Variants in SCOC observed in about 807,000 individuals in gnomAD.
SCOC encodes the protein short coiled coil protein.
SCOC carries 7 observed loss-of-function variants against 9.9 expected under a neutral mutation model. That is an observed-to-expected ratio of 0.71 (90% CI 0.40 to 1.33). The LOEUF is 1.33. Among genes scored for constraint, SCOC ranks in the 40% most tolerant of loss-of-function variants. SCOC has a pLI of 0.01. For missense variants in SCOC, 66 were observed against 89.7 expected, an observed-to-expected ratio of 0.74 and a Z score of 1.07; for synonymous variants, 19 against 28.2, an observed-to-expected ratio of 0.67 and a Z score of 1.03.
chr4:140,360,601 C>A (rs1727423308), intron 2 of SCOC: 1 of 152,160 alleles, frequency 6.6e-6, no homozygotes, highest in South Asian at 2.1e-4. Flanking sequence ...GGCGAAAAGG[C>A]AATGTGGAAA....
intron 1 of SCOC, among the ~76,000 whole-genome samples, chr4:140,331,173 T>C (rs1363121928): frequency 6.6e-6 from 1 of 152,198 alleles, no homozygotes; most frequent in Non-Finnish European, 1.5e-5. Flanking sequence ...AATAGCATTT[T>C]CTTAATCTAA....
At chr4:140,258,202 C>A (rs567137661) in intron 1 of SCOC, among the ~76,000 whole-genome samples, 1 of 152,292 alleles carries the variant, frequency 6.6e-6, no homozygotes, top group East Asian at 1.9e-4. Flanking sequence ...GGGCCCAGAC[C>A]CAGGGTGGAA....
chr4:140,297,277 G>A (rs1033195734), intron 1 of SCOC, among the ~76,000 whole-genome samples: 1 of 151,748 alleles, frequency 6.6e-6, no homozygotes, highest in Non-Finnish European at 1.5e-5. Context: ...TGTGGGGGGG[G>A]GGGCACTGTT....
intron 2 of SCOC, among the ~76,000 whole-genome samples, chr4:140,363,750 T>A (rs890092411): frequency 6.6e-6 from 1 of 152,246 alleles, no homozygotes; most frequent in Admixed American, 6.5e-5. Context: ...GGATGCTAAT[T>A]ATCTCTGTGT....
upstream of SCOC, chr4:140,343,358 T>G (rs1249777161): frequency 3.4e-6 from 1 of 296,522 alleles, no homozygotes; most frequent in East Asian, 5.3e-5. Context: ...AAGGCAGGGT[T>G]TGGCATCTAG....
intron 1 of SCOC, among the ~76,000 whole-genome samples, chr4:140,293,745 T>C (rs1731544854): frequency 6.6e-6 from 1 of 152,184 alleles, no homozygotes; most frequent in African/African-American, 2.4e-5. Flanking sequence ...AATCAGCCAT[T>C]GCCTCCCAGC....
chr4:140,371,519 T>C (rs1333360235), upstream of SCOC, among the ~76,000 whole-genome samples: 7 of 152,230 alleles, frequency 4.6e-5, no homozygotes, highest in Non-Finnish European at 1.0e-4. Flanking sequence ...TTGTGTTTTC[T>C]ATATCCCACG....
intron 2 of SCOC, among the ~76,000 whole-genome samples, chr4:140,353,980 T>C (rs1311848576): frequency 6.6e-6 from 1 of 152,256 alleles, no homozygotes; most frequent in African/African-American, 2.4e-5. Flanking sequence ...CGCACATGCG[T>C]GGTTTTCATT....
intron 1 of SCOC, among the ~76,000 whole-genome samples, chr4:140,277,275 C>T (rs1731004978): frequency 6.6e-6 from 1 of 152,074 alleles, no homozygotes; most frequent in Non-Finnish European, 1.5e-5. Flanking sequence ...AGAGGCCACC[C>T]ACAACTAGGC....
intron 3 of SCOC, among the ~76,000 whole-genome samples, chr4:140,380,697 C>G (rs1728541923): frequency 6.6e-6 from 1 of 152,078 alleles, no homozygotes; most frequent in Non-Finnish European, 1.5e-5. Context: ...AACCAAAATT[C>G]ACATTTTAAA....
intron 1 of SCOC, among the ~76,000 whole-genome samples, chr4:140,306,391 C>T (rs527410017): frequency 6.6e-6 from 1 of 152,254 alleles, no homozygotes; most frequent in South Asian, 2.1e-4. Flanking sequence ...ACAGTCAAAC[C>T]ATATCAGTAC....
intron 2 of SCOC, among the ~76,000 whole-genome samples, chr4:140,362,277 A>AAAGACAGGTGTGTCTGTTTC (rs1727551040): frequency 8.6e-5 from 1 of 11,664 alleles, no homozygotes; most frequent in East Asian, 2.2e-3. Flanking sequence ...GTGTGTCCTT[A>AAAGACAGGTGTGTCTGTTTC]CTTCTTCTTC....
chr4:140,322,127 C>T (rs1329322666), intron 1 of SCOC, among the ~76,000 whole-genome samples: 1 of 152,126 alleles, frequency 6.6e-6, no homozygotes, highest in Non-Finnish European at 1.5e-5. Context: ...ATTGTCTAGT[C>T]TGTGGTATTT....
chr4:140,340,947 A>G (rs1308696291), upstream of SCOC, among the ~76,000 whole-genome samples: 2 of 151,398 alleles, frequency 1.3e-5, no homozygotes, highest in Non-Finnish European at 2.9e-5. Context: ...GTGTGCCACT[A>G]TGCCTGGCTA....
intron 1 of SCOC, among the ~76,000 whole-genome samples, chr4:140,283,476 C>T (rs1426802798): frequency 6.6e-6 from 1 of 151,922 alleles, no homozygotes; most frequent in African/African-American, 2.4e-5. Context: ...TTTTAAATGT[C>T]CTTCTGAACT....
At chr4:140,296,207 C>T (rs1417663875) in intron 1 of SCOC, among the ~76,000 whole-genome samples, 3 of 152,116 alleles carry the variant, frequency 2.0e-5, no homozygotes, top group Non-Finnish European at 4.4e-5. Flanking sequence ...GGGGTCTTCA[C>T]AGCCCCCACT....
At position 140,294,219 on chromosome 4, in the gene SCOC, A is replaced by G. The variant is rs115222713; in HGVS notation, c.-19+36809A>G. ...GGAATGCCATTTCCCTTCAACTTCC[A>G]GTGAGTCTCTCCAATGATGGACAGG... On this transcript the variant is annotated intron_variant, in intron 1 of 4. Coordinates refer to the SCOC transcript ENST00000394205. Among the ~76,000 whole-genome samples, 945 of 152,256 alleles carry G rather than the reference A, an allele frequency of 6.2e-3. 12 individuals are homozygous for G. The highest frequency in any genetic ancestry group is 0.014 in the Middle Eastern group (4 of 294).
At chr4:140,358,661 C>T (rs1460771094) in intron 2 of SCOC, among the ~76,000 whole-genome samples, 1 of 152,182 alleles carries the variant, frequency 6.6e-6, no homozygotes, top group African/African-American at 2.4e-5. Context: ...AGTTATACAA[C>T]ACCCTTGGGA....
intron 1 of SCOC, among the ~76,000 whole-genome samples, chr4:140,318,466 A>C (rs572193582): frequency 8.0e-4 from 81 of 101,668 alleles, no homozygotes; most frequent in Non-Finnish European, 1.3e-3. Context: ...GCAGCCAAAA[A>C]ACACATGAAA....
Sources: gnomAD v4.1 joint callset for allele counts (sites outside exome capture counted in the v4.1 genomes callset) on GRCh38, gnomAD v4.1.1 for gene constraint, MANE v1.5 for transcripts, NCBI Gene and HGNC (gene_info 2026-07-23, HGNC 2026-07-21) for gene names.